UNC79: variants seen among roughly 807,000 people sequenced by gnomAD.
UNC79 encodes the protein unc-79 subunit of NALCN channel complex.
Under a neutral mutation model 283.1 loss-of-function variants are expected in UNC79, and 37 were observed. That is an observed-to-expected ratio of 0.13 (90% CI 0.10 to 0.17). UNC79 has a LOEUF of 0.17. Ranked by LOEUF, UNC79 falls within the 10% of genes least tolerant of loss-of-function variation. UNC79 has a pLI of 1.00. For missense variants in UNC79, 2,272 were observed against 3,211.1 expected (o/e 0.71, Z 7.07); for synonymous variants, 1,107 against 1,200.2 (o/e 0.92, Z 1.61).
chr14:93,630,555 C>T (rs2067943853), intron 30 of UNC79, among the ~76,000 whole-genome samples: 1 of 152,210 alleles, frequency 6.6e-6, no homozygotes, highest in Non-Finnish European at 1.5e-5. Flanking sequence ...TGAGCTTTAG[C>T]TCTGTAATTT....
rs538438863 is a variant in UNC79 at position 93,371,280 on chromosome 14, G to A, written c.-351+37757G>A. 8.5e-4 allele frequency among the ~76,000 whole-genome samples: 130 copies of A among 152,084 alleles called. 1 individual carries two copies. The South Asian group carries it at 0.026, about 30-fold the overall frequency. ...CACGTTCCTGAAGTCCCAGCTACTC[G>A]GGAGGCTGAGGCAGGAGAATTGCTT... On this transcript the variant is annotated intron_variant, in intron 1 of 49. Coordinates refer to the UNC79 transcript ENST00000256339.
chr14:93,636,107 A>G (rs2068486196), intron 31 of UNC79, among the ~76,000 whole-genome samples: 1 of 152,230 alleles, frequency 6.6e-6, no homozygotes, highest in Admixed American at 6.5e-5. Context: ...CAATGGGCAC[A>G]GTAGTTATAA....
At chr14:93,371,260 T>A (rs1266107609) in intron 1 of UNC79, among the ~76,000 whole-genome samples, 2 of 151,142 alleles carry the variant, frequency 1.3e-5, no homozygotes, top group Non-Finnish European at 3.0e-5. Flanking sequence ...GGTGGCACGT[T>A]CCTGAAGTCC....
chr14:93,344,558 GA>G (rs983069848), intron 1 of UNC79, among the ~76,000 whole-genome samples: 1 of 150,538 alleles, frequency 6.6e-6, no homozygotes, highest in African/African-American at 2.4e-5. Context: ...GCTAGGCAGG[GA>G]AAAAAAAACA....
chr14:93,394,687 G>A (rs1349719261), intron 1 of UNC79, among the ~76,000 whole-genome samples: 2 of 151,760 alleles, frequency 1.3e-5, no homozygotes, highest in African/African-American at 2.4e-5. Flanking sequence ...GATTACAGGC[G>A]TGAGCCACTG....
chr14:93,358,427 C>G (rs1414553441), intron 1 of UNC79, among the ~76,000 whole-genome samples: 2 of 152,156 alleles, frequency 1.3e-5, no homozygotes. Context: ...TAAGATTGCC[C>G]TGAATGAGAG....
intron 26 of UNC79, among the ~76,000 whole-genome samples, chr14:93,608,754 G>T (rs548490317): frequency 6.6e-6 from 1 of 152,290 alleles, no homozygotes; most frequent in African/African-American, 2.4e-5. Flanking sequence ...TTCACATAGA[G>T]AAACGTTCCA....
At chr14:93,374,679 C>T (rs560846023) in intron 1 of UNC79, among the ~76,000 whole-genome samples, 2 of 152,244 alleles carry the variant, frequency 1.3e-5, no homozygotes, top group South Asian at 2.1e-4. Flanking sequence ...GCTGGGATTA[C>T]AGTTGAGTGC....
chr14:93,441,394 TC>T (rs1190506201), intron 1 of UNC79, among the ~76,000 whole-genome samples: 1 of 152,118 alleles, frequency 6.6e-6, no homozygotes, highest in Non-Finnish European at 1.5e-5. Flanking sequence ...AAAATCCTTT[TC>T]TTTTAATAGG....
chr14:93,531,627 C>T lies in UNC79; in HGVS notation c.1094-923C>T, dbSNP rs144705092. On this transcript the variant is annotated intron_variant, in intron 10 of 48. Coordinates refer to ENST00000555664, the Ensembl canonical transcript of UNC79. The surrounding 1 kb of genome is among the most constrained non-coding windows in gnomAD (Gnocchi z 4.2). ...CCCTACAGCTGGTTTTACACACACA[C>T]GTTAAGAGTGATATAAATTGATAAT... 1.7e-3 allele frequency among the ~76,000 whole-genome samples: 266 copies of T among 152,298 alleles called. 2 individuals are homozygous for T. Among genetic ancestry groups the T allele is most frequent in the African/African-American group, 6.1e-3 (252 of 41,566 alleles).
chr14:93,380,570 T>G (rs893548226), intron 1 of UNC79, among the ~76,000 whole-genome samples: 7 of 152,220 alleles, frequency 4.6e-5, no homozygotes, highest in African/African-American at 1.4e-4. Context: ...TTCACCATAT[T>G]TATGTGAAAT....
At chr14:93,467,628 C>CTA in intron 1 of UNC79, 43 bp from the exon 2 acceptor site, 1 of 761,392 alleles carries the variant, frequency 1.3e-6, no homozygotes, top group Non-Finnish European at 1.5e-6. Context: ...TTTCTTCTTC[C>CTA]TTTTTTTTTT....
At chr14:93,615,130 G>T (rs946924700) in intron 27 of UNC79, among the ~76,000 whole-genome samples, 4 of 152,124 alleles carry the variant, frequency 2.6e-5, no homozygotes, top group Non-Finnish European at 4.4e-5. Flanking sequence ...TTGGTACACA[G>T]ATTTCCTTTT....
chr14:93,541,856 T>C (rs1463948430), intron 13 of UNC79, among the ~76,000 whole-genome samples: 2 of 151,882 alleles, frequency 1.3e-5, no homozygotes, highest in African/African-American at 4.8e-5. Flanking sequence ...ATACAAAATA[T>C]TAGCTGGGTG....
At chr14:93,492,943 C>T (rs925779308) in intron 5 of UNC79, among the ~76,000 whole-genome samples, 4 of 152,186 alleles carry the variant, frequency 2.6e-5, no homozygotes, top group Non-Finnish European at 5.9e-5. Flanking sequence ...TGGTTAGTGA[C>T]ATGGGACTGA....
intron 30 of UNC79, among the ~76,000 whole-genome samples, chr14:93,630,318 A>G (rs1274716264): frequency 5.3e-5 from 8 of 152,146 alleles, no homozygotes; most frequent in Admixed American, 5.2e-4. Context: ...CTGACCCAGC[A>G]TTTTTGTTTG....
At chr14:93,683,258 T>C (rs1390989836) in intron 42 of UNC79, among the ~76,000 whole-genome samples, 2 of 152,204 alleles carry the variant, frequency 1.3e-5, no homozygotes, top group African/African-American at 4.8e-5. Context: ...TCCTGATTAG[T>C]AGGGAAAGGG....
intron 1 of UNC79, chr14:93,347,410 G>A: frequency 6.7e-7 from 1 of 1,482,134 alleles, no homozygotes; most frequent in Admixed American, 2.5e-5. Flanking sequence ...TTGAGGCCCA[G>A]CCATCATGGT....
At chr14:93,378,086 G>A (rs1009392871) in intron 1 of UNC79, among the ~76,000 whole-genome samples, 1 of 152,196 alleles carries the variant, frequency 6.6e-6, no homozygotes, top group African/African-American at 2.4e-5. Flanking sequence ...TAAGCCACGG[G>A]ATTAGGACTG....
Sources: gnomAD v4.1 joint callset for allele counts (sites outside exome capture counted in the v4.1 genomes callset) on GRCh38, gnomAD v4.1.1 for gene constraint, Gnocchi (gnomAD v3.1) non-coding constraint, MANE v1.5 for transcripts, NCBI Gene and HGNC (gene_info 2026-07-23, HGNC 2026-07-21) for gene names.